Variants in OR56A3 observed in about 807,000 individuals in gnomAD.
OR56A3 encodes the protein olfactory receptor 56A3.
OR56A3 carries 23 observed loss-of-function variants against 17.5 expected under a neutral mutation model. That is an observed-to-expected ratio of 1.32 (90% CI 0.95 to 1.87). The LOEUF (loss-of-function observed/expected upper bound fraction) is 1.87, where lower values mean the gene tolerates loss of function less well. Ranked by LOEUF, OR56A3 falls within the 40% of genes most tolerant of loss-of-function variation. The probability of loss-of-function intolerance (pLI) is 0.00; values close to 1 mark genes in which losing one functional copy is unlikely to be tolerated. For missense variants in OR56A3, 366 were observed against 380.1 expected (o/e 0.96, Z 0.31); for synonymous variants, 175 against 150.6 (o/e 1.16, Z -1.19).
At chr11:6,002,685 T>A in the OR56A3 span, 1 of 1,614,084 alleles carries the variant, frequency 6.2e-7, no homozygotes. Flanking sequence ...GATGAACATC[T>A]GGAGGAAGCA....
At position 5,947,414 on chromosome 11, in the gene OR56A3, G is replaced by C; in HGVS notation, c.68G>C (p.Arg23Thr). 1.2e-6 allele frequency: 2 copies of C among 1,614,116 alleles called. No individual in the cohort carries two copies. Among genetic ancestry groups the C allele is most frequent in the Non-Finnish European group, 1.7e-6 (2 of 1,179,988 alleles). The change falls in exon 3 of 3, where the codon AGA becomes ACA. Residue 23 changes from arginine to threonine, a missense_variant. By Grantham distance (71) the Arg-to-Thr change is moderately conservative. Coordinates refer to ENST00000641160, the MANE Select transcript of OR56A3 (RefSeq NM_001003443.3). ...GACTTCCTCTTGAATTGTTTTGTCAGATCCCCCAGCTGGCAGCACTGGCTG... is the reference window on the plus strand; with the variant it reads ...GACTTCCTCTTGAATTGTTTTGTCACATCCCCCAGCTGGCAGCACTGGCTG... ...ASDFLLNCFV[R>T]SPSWQHWLSL...
rs1329036867 is a variant in OR56A3 at position 5,950,305 on chromosome 11, G to A, written c.*2011G>A. On this transcript the variant is annotated 3_prime_UTR_variant, in exon 3 of 3. Coordinates refer to ENST00000641160, the MANE Select transcript of OR56A3 (RefSeq NM_001003443.3). ...AAAAGGACATATTGAGGGATTTAGA[G>A]TACATACCTCCCTGAGATTAAGAAA... 1.3e-5 allele frequency: 2 copies of A among 152,096 alleles called. No individual in the cohort carries two copies. Among genetic ancestry groups the A allele is most frequent in the Non-Finnish European group, 2.9e-5 (2 of 67,984 alleles). 9.4% of individuals were successfully genotyped at this position (152,096 alleles called of 1,614,324 possible).
chr11:5,959,260 T>C, the OR56A3 span, among the ~76,000 whole-genome samples: 2 of 152,206 alleles, frequency 1.3e-5, no homozygotes, highest in Non-Finnish European at 2.9e-5. Flanking sequence ...TAAGCATTCC[T>C]TTTCTCCACA....
At chr11:5,982,867 C>A in the OR56A3 span, among the ~76,000 whole-genome samples, 24,390 of 152,144 alleles carry the variant, frequency 0.16, 2,526 homozygotes, top group East Asian at 0.34. Context: ...CACTCCTTCC[C>A]CAGGAGCCAC....
the OR56A3 span, among the ~76,000 whole-genome samples, chr11:5,981,845 T>G: frequency 2.0e-5 from 3 of 152,224 alleles, no homozygotes; most frequent in Non-Finnish European, 4.4e-5. Context: ...GCTTTTATAT[T>G]CTTTGGCGCC....
chr11:6,016,428 T>A, the OR56A3 span, among the ~76,000 whole-genome samples: 1 of 152,136 alleles, frequency 6.6e-6, no homozygotes, highest in African/African-American at 2.4e-5. Flanking sequence ...CTAGGGAGAC[T>A]ACACTACTGC....
chr11:5,968,131 C>G, the OR56A3 span: 9 of 1,614,144 alleles, frequency 5.6e-6, no homozygotes, highest in Non-Finnish European at 7.6e-6. Context: ...CGGTCATAGG[C>G]CATGATCATG....
the OR56A3 span, among the ~76,000 whole-genome samples, chr11:6,016,175 C>A: frequency 6.6e-5 from 10 of 152,068 alleles, no homozygotes; most frequent in Non-Finnish European, 1.0e-4. Context: ...AAGTGTGTAG[C>A]AACTCCCCAC....
intron 2 of OR56A3, among the ~76,000 whole-genome samples, chr11:5,945,322 C>T (rs887640618): frequency 6.6e-6 from 1 of 152,002 alleles, no homozygotes; most frequent in Non-Finnish European, 1.5e-5. Flanking sequence ...CACCTGTAAT[C>T]CCAGCACTTT....
the OR56A3 span, chr11:6,020,260 A>C: frequency 6.6e-6 from 1 of 152,046 alleles, no homozygotes; most frequent in East Asian, 1.9e-4. Flanking sequence ...AACAGTCCTA[A>C]ACTAGGAACT....
the OR56A3 span, chr11:5,999,662 G>C: frequency 1.8e-4 from 27 of 152,216 alleles, no homozygotes; most frequent in African/African-American, 6.0e-4. Flanking sequence ...TTTTATTGTT[G>C]TTTCCAAGTA....
the OR56A3 span, chr11:6,003,051 C>T: frequency 2.6e-5 from 42 of 1,613,788 alleles, no homozygotes; most frequent in Non-Finnish European, 3.1e-5. Context: ...TAGAGAAGTA[C>T]AGAAACATAA....
At chr11:5,975,322 G>A in the OR56A3 span, among the ~76,000 whole-genome samples, 2 of 151,506 alleles carry the variant, frequency 1.3e-5, no homozygotes, top group Admixed American at 1.3e-4. Context: ...TCATCATCTA[G>A]CATTAGGTAT....
the OR56A3 span, among the ~76,000 whole-genome samples, chr11:5,987,494 A>C: frequency 6.6e-6 from 1 of 152,168 alleles, no homozygotes; most frequent in African/African-American, 2.4e-5. Flanking sequence ...TGTTTACCCA[A>C]ATATCCTTCT....
chr11:5,963,988 C>T, the OR56A3 span, among the ~76,000 whole-genome samples: 30 of 152,136 alleles, frequency 2.0e-4, no homozygotes, highest in East Asian at 5.8e-3. Context: ...TTCAGCAATT[C>T]TGTTGTTGAT....
At chr11:5,994,938 C>T in the OR56A3 span, 5 of 745,928 alleles carry the variant, frequency 6.7e-6, no homozygotes, top group East Asian at 1.0e-4. Flanking sequence ...TGGATGCCTC[C>T]CATTCCTGCC....
chr11:6,002,991 A>G, the OR56A3 span: 1 of 1,614,180 alleles, frequency 6.2e-7, no homozygotes, highest in Non-Finnish European at 8.5e-7. Context: ...GGGAGATGCC[A>G]TGTAAAGTTT....
At chr11:6,013,551 G>A in the OR56A3 span, among the ~76,000 whole-genome samples, 1 of 152,152 alleles carries the variant, frequency 6.6e-6, no homozygotes, top group Non-Finnish European at 1.5e-5. Context: ...CCCTCAGCAG[G>A]GTGGGCATGG....
chr11:5,966,467 G>A, the OR56A3 span, among the ~76,000 whole-genome samples: 5 of 152,062 alleles, frequency 3.3e-5, no homozygotes, highest in African/African-American at 9.7e-5. Context: ...GAGACATTCC[G>A]AAATGATTCA....
Sources: gnomAD v4.1 joint callset for allele counts (sites outside exome capture counted in the v4.1 genomes callset) on GRCh38, gnomAD v4.1.1 for gene constraint, MANE v1.5 for transcripts, NCBI Gene and HGNC (gene_info 2026-07-23, HGNC 2026-07-21) for gene names.